PCDHGA3: variants seen among roughly 807,000 people sequenced by gnomAD.
PCDHGA3 encodes the protein protocadherin gamma subfamily A, 3.
Under a neutral mutation model 58.5 loss-of-function variants are expected in PCDHGA3, and 40 were observed. The ratio of observed to expected loss-of-function variants is 0.68; its 90% CI spans 0.53 to 0.89. PCDHGA3 has a LOEUF of 0.89. PCDHGA3 is among the 40% of genes least tolerant of loss of function. The pLI, the probability that PCDHGA3 is intolerant of heterozygous loss-of-function variation, is 0.00. For synonymous variants in PCDHGA3, 530 were observed against 525.7 expected (o/e 1.01, Z -0.11); for missense variants, 1,223 against 1,195.9 (o/e 1.02, Z -0.33).
chr5:141,399,506 A>G, intron 1 of PCDHGA3: 1 of 1,613,982 alleles, frequency 6.2e-7, no homozygotes, highest in Non-Finnish European at 8.5e-7. Flanking sequence ...GTACCCGAAA[A>G]CAACCCTCCT....
At chr5:141,382,924 G>T (rs768027809) in intron 1 of PCDHGA3, 2 of 1,568,666 alleles carry the variant, frequency 1.3e-6, no homozygotes, top group Non-Finnish European at 1.7e-6. Flanking sequence ...GAGGGGCGGG[G>T]ACTACAGAGG....
intron 1 of PCDHGA3, among the ~76,000 whole-genome samples, chr5:141,435,232 G>A (rs1317217213): frequency 6.6e-6 from 1 of 152,062 alleles, no homozygotes; most frequent in Non-Finnish European, 1.5e-5. Context: ...TCAAAGTTCA[G>A]TAATTCTTTC....
At chr5:141,409,592 A>G in intron 1 of PCDHGA3, 1 of 1,613,898 alleles carries the variant, frequency 6.2e-7, no homozygotes, top group African/African-American at 1.3e-5. Flanking sequence ...CGTGGCCGAG[A>G]ACAACCCGCC....
At chr5:141,401,322 A>G (rs2094140521) in intron 1 of PCDHGA3, among the ~76,000 whole-genome samples, 1 of 152,218 alleles carries the variant, frequency 6.6e-6, no homozygotes, top group African/African-American at 2.4e-5. Flanking sequence ...AGCCTGGGCA[A>G]CAAGAGCAAA....
chr5:141,473,796 G>A (rs2099328996), intron 1 of PCDHGA3, among the ~76,000 whole-genome samples: 1 of 152,224 alleles, frequency 6.6e-6, no homozygotes, highest in African/African-American at 2.4e-5. Context: ...GCAGTATGAT[G>A]CTACTGAGGA....
chr5:141,357,026 T>A (rs1209829299), intron 1 of PCDHGA3: 1 of 1,613,970 alleles, frequency 6.2e-7, no homozygotes, highest in Non-Finnish European at 8.5e-7. Flanking sequence ...TACAGCCTAC[T>A]CAAGTCCAGC....
Position 141,345,600 on chromosome 5 carries a change from G to GAGACTTAA in PCDHGA3, c.1569_1570insACTTAAAG (p.Gln524ThrfsTer2). The GAGACTTAA allele has an allele frequency of 3.1e-6, 5 of 1,614,154 alleles. No individual in the cohort carries two copies. The highest frequency in any genetic ancestry group is 3.3e-4 in the Middle Eastern group (2 of 6,062). Reference sequence around the variant, plus strand: ...ATACGCGCTGAGATCCTTCGACTACGAGCAATTTAGAGACTTAAAGCTACT... The same window carrying GAGACTTAA: ...ATACGCGCTGAGATCCTTCGACTACGAGACTTAAAGCAATTTAGAGACTTAAAGCTACT... On this transcript the variant is annotated stop_gained and frameshift_variant, in exon 1 of 4. Transcript: ENST00000253812. LOFTEE classifies it high-confidence loss of function.
In PCDHGA3 at chr5:141,345,592, TCGACTA is replaced by T. The variant is rs1358131056; in HGVS notation, c.1563_1568del (p.Asp521_Tyr522del). 2 of 1,614,038 alleles carry T rather than the reference TCGACTA, an allele frequency of 1.2e-6. No homozygotes were observed. Among genetic ancestry groups the T allele is most frequent in the African/African-American group, 2.7e-5 (2 of 74,896 alleles). On this transcript the variant is annotated inframe_deletion, in exon 1 of 4. Coordinates refer to ENST00000253812, the MANE Select transcript of PCDHGA3 (RefSeq NM_018916.4). ...GGCGTCCTATACGCGCTGAGATCCT[TCGACTA>T]CGAGCAATTTAGAGACTTAAAGCTA...
intron 1 of PCDHGA3, chr5:141,423,601 C>A (rs372165060): frequency 1.9e-6 from 3 of 1,612,704 alleles, no homozygotes; most frequent in Non-Finnish European, 2.5e-6. Flanking sequence ...AAGCGAGCCA[C>A]TCTTGATAGC....
intron 1 of PCDHGA3, chr5:141,357,591 A>C (rs1760669950): frequency 6.8e-6 from 11 of 1,614,152 alleles, no homozygotes; most frequent in Non-Finnish European, 9.3e-6. Flanking sequence ...CTCAGGATTT[A>C]CTTGAAACAA....
intron 1 of PCDHGA3, among the ~76,000 whole-genome samples, chr5:141,494,512 C>T (rs2154591503): frequency 6.6e-6 from 1 of 152,276 alleles, no homozygotes; most frequent in Middle Eastern, 3.4e-3. Context: ...AATTTTGGCT[C>T]AGGAGTTCTG....
chr5:141,414,781 G>T, intron 1 of PCDHGA3: 2 of 1,614,230 alleles, frequency 1.2e-6, no homozygotes, highest in Non-Finnish European at 1.7e-6. Flanking sequence ...ACAGATGCAG[G>T]TGACAGCCAG....
intron 1 of PCDHGA3, chr5:141,388,548 C>A: frequency 6.2e-7 from 1 of 1,613,842 alleles, no homozygotes; most frequent in Non-Finnish European, 8.5e-7. Flanking sequence ...AGCTCCACCC[C>A]TAAGCAGCAC....
chr5:141,401,819 G>A (rs2094196222), intron 1 of PCDHGA3, among the ~76,000 whole-genome samples: 3 of 152,280 alleles, frequency 2.0e-5, no homozygotes, highest in Middle Eastern at 3.4e-3. Flanking sequence ...TCCTTACAAA[G>A]TGCTGAGATT....
At chr5:141,470,862 G>T (rs1363111218) in intron 1 of PCDHGA3, among the ~76,000 whole-genome samples, 1 of 151,596 alleles carries the variant, frequency 6.6e-6, no homozygotes, top group Non-Finnish European at 1.5e-5. Context: ...TAAGTTTTTT[G>T]TTTGTTTGTT....
chr5:141,440,035 C>T, intron 1 of PCDHGA3: 1 of 153,140 alleles, frequency 6.5e-6, no homozygotes, highest in East Asian at 1.9e-4. Flanking sequence ...GTGTCGAGGA[C>T]ATGCCCACTT....
At position 141,485,532 on chromosome 5, in the gene PCDHGA3, A is replaced by C. The variant is rs1360942348; in HGVS notation, c.2425-9275A>C. 6.2e-7 allele frequency: 1 copy of C among 1,614,108 alleles called. No individual in the cohort carries two copies. The highest frequency in any genetic ancestry group is 1.7e-5 in the Admixed American group (1 of 60,000). ...GGTCCTTTGGAAATGTACCGAGCAG[A>C]GGTAGAGATCGTAGATGTGAATGAT... On this transcript the variant is annotated intron_variant, in intron 1 of 3. Transcript: ENST00000253812. This position sits in a 1 kb window ranked among gnomAD's most constrained non-coding sequence, Gnocchi z 5.7.
intron 1 of PCDHGA3, chr5:141,385,030 C>T (rs1448535123): frequency 6.2e-7 from 1 of 1,614,070 alleles, no homozygotes; most frequent in Non-Finnish European, 8.5e-7. Flanking sequence ...CGTCCTCGTA[C>T]TGCTGGCGCT....
intron 1 of PCDHGA3, chr5:141,366,421 G>A: frequency 6.2e-7 from 1 of 1,614,150 alleles, no homozygotes; most frequent in Non-Finnish European, 8.5e-7. Flanking sequence ...TGGTGGCAGT[G>A]GCTGCAGTCT....
Sources: gnomAD v4.1 joint callset for allele counts (sites outside exome capture counted in the v4.1 genomes callset) on GRCh38, gnomAD v4.1.1 for gene constraint, Gnocchi (gnomAD v3.1) non-coding constraint, MANE v1.5 for transcripts, NCBI Gene and HGNC (gene_info 2026-07-23, HGNC 2026-07-21) for gene names.